The following HTR4 variants were observed in gnomAD, a reference collection of about 807,000 sequenced individuals.
HTR4 encodes the protein 5-hydroxytryptamine receptor 4.
Under a neutral mutation model 36.8 loss-of-function variants are expected in HTR4, and 16 were observed. The observed-to-expected ratio is 0.43, with a 90% confidence interval of 0.29 to 0.66. The LOEUF is 0.66. Ranked by LOEUF, HTR4 falls within the 30% of genes least tolerant of loss-of-function variation. HTR4 has a pLI of 0.13. For missense variants in HTR4, 438 were observed against 490.9 expected, an observed-to-expected ratio of 0.89 and a Z score of 1.02; for synonymous variants, 189 against 185.1, an observed-to-expected ratio of 1.02 and a Z score of -0.17.
chr5:148,560,186 T>C (rs1348849025), intron 2 of HTR4, among the ~76,000 whole-genome samples: 18 of 145,786 alleles, frequency 1.2e-4, no homozygotes, highest in African/African-American at 4.7e-4. Flanking sequence ...TTTTTCTTTT[T>C]TACGGAAAGC....
intron 2 of HTR4, among the ~76,000 whole-genome samples, chr5:148,606,678 T>C (rs765156921): frequency 2.6e-5 from 4 of 152,242 alleles, no homozygotes; most frequent in East Asian, 3.8e-4. Flanking sequence ...CTCTGTATGA[T>C]GGTTAAAAAC....
chr5:148,458,793 G>A (rs972885132), intron 5 of HTR4, among the ~76,000 whole-genome samples: 3 of 152,162 alleles, frequency 2.0e-5, no homozygotes, highest in Admixed American at 6.6e-5. Context: ...TGTTGTCCTC[G>A]TCCTAAAAGC....
At chr5:148,639,308 G>C (rs914211675) in intron 1 of HTR4, among the ~76,000 whole-genome samples, 1 of 151,958 alleles carries the variant, frequency 6.6e-6, no homozygotes, top group Non-Finnish European at 1.5e-5. Flanking sequence ...TAGCTAACCA[G>C]ACCTTACATG....
chr5:148,505,686 A>G (rs934928983), intron 6 of HTR4, among the ~76,000 whole-genome samples: 2 of 152,354 alleles, frequency 1.3e-5, no homozygotes, highest in Admixed American at 6.5e-5. Context: ...CTCAGGATAC[A>G]AAATCAATGT....
chr5:148,466,409 A>G (rs1755430113), intron 5 of HTR4, among the ~76,000 whole-genome samples: 1 of 152,248 alleles, frequency 6.6e-6, no homozygotes, highest in Non-Finnish European at 1.5e-5. Context: ...TCATTTAACA[A>G]TACAAACCGC....
intron 4 of HTR4, among the ~76,000 whole-genome samples, chr5:148,536,223 G>T (rs1463137277): frequency 6.6e-6 from 1 of 152,056 alleles, no homozygotes; most frequent in Non-Finnish European, 1.5e-5. Flanking sequence ...CTTTACAAGA[G>T]ATCTTGAAAG....
chr5:148,591,670 C>A (rs1250280619), intron 2 of HTR4, among the ~76,000 whole-genome samples: 2 of 152,090 alleles, frequency 1.3e-5, no homozygotes, highest in African/African-American at 4.8e-5. Flanking sequence ...CAAAAGGAGA[C>A]AAACATGCTG....
At chr5:148,466,265 T>G (rs754354741) in intron 5 of HTR4, among the ~76,000 whole-genome samples, 1 of 152,186 alleles carries the variant, frequency 6.6e-6, no homozygotes, top group Non-Finnish European at 1.5e-5. Context: ...CTCCATGATA[T>G]GTCTATGTTG....
At chr5:148,572,646 C>A (rs562295181) in intron 2 of HTR4, among the ~76,000 whole-genome samples, 1 of 152,084 alleles carries the variant, frequency 6.6e-6, no homozygotes, top group Non-Finnish European at 1.5e-5. Context: ...TCCATGAGTT[C>A]GTCATTACCA....
intron 5 of HTR4, among the ~76,000 whole-genome samples, chr5:148,457,286 A>G (rs556851366): frequency 2.6e-5 from 4 of 152,164 alleles, no homozygotes; most frequent in Admixed American, 1.3e-4. Flanking sequence ...ATTAAAAAAC[A>G]CTGCTGTTTC....
At chr5:148,591,902 G>A (rs1388632824) in intron 2 of HTR4, among the ~76,000 whole-genome samples, 1 of 152,090 alleles carries the variant, frequency 6.6e-6, no homozygotes, top group Admixed American at 6.5e-5. Context: ...ATTCTTCAAA[G>A]AGCTAAAAGC....
At chr5:148,509,261 T>C (rs1279329492) in intron 6 of HTR4, 195 bp downstream of exon 6, 2 of 516,514 alleles carry the variant, frequency 3.9e-6, no homozygotes, top group Non-Finnish European at 6.8e-6. Flanking sequence ...TGATTAGAAT[T>C]CAAGTCAATC....
At chr5:148,623,879 T>C (rs1017646705) in intron 2 of HTR4, among the ~76,000 whole-genome samples, 1 of 152,198 alleles carries the variant, frequency 6.6e-6, no homozygotes, top group Non-Finnish European at 1.5e-5. Context: ...TCCTAGAGAA[T>C]GAGTCAGTCA....
chr5:148,605,324 TCTCGG>T (rs1298132455), intron 2 of HTR4, among the ~76,000 whole-genome samples: 8 of 147,162 alleles, frequency 5.4e-5, no homozygotes, highest in South Asian at 2.2e-4. Flanking sequence ...AATGGCGTGA[TCTCGG>T]CTCACTGCAA....
intron 2 of HTR4, among the ~76,000 whole-genome samples, chr5:148,559,837 C>A (rs563560299): frequency 1.3e-5 from 2 of 152,252 alleles, no homozygotes; most frequent in African/African-American, 4.8e-5. Context: ...GTGCCAACAA[C>A]CTCCAATCAG....
intron 6 of HTR4, among the ~76,000 whole-genome samples, chr5:148,485,121 T>A (rs1220580270): frequency 3.9e-5 from 6 of 152,156 alleles, no homozygotes; most frequent in Non-Finnish European, 8.8e-5. Flanking sequence ...CCAAATCCCC[T>A]TTGTATCATA....
intron 5 of HTR4, among the ~76,000 whole-genome samples, chr5:148,519,040 C>T (rs1029888109): frequency 2.6e-5 from 4 of 151,920 alleles, no homozygotes; most frequent in Non-Finnish European, 4.4e-5. Context: ...TCTCAATTGC[C>T]TATGGAACAT....
intron 2 of HTR4, among the ~76,000 whole-genome samples, chr5:148,602,245 C>A (rs1431715189): frequency 6.6e-6 from 1 of 152,048 alleles, no homozygotes; most frequent in Non-Finnish European, 1.5e-5. Context: ...TATACTTACT[C>A]CCACACTCAT....
At chr5:148,458,293 G>A (rs78491458) in intron 5 of HTR4, among the ~76,000 whole-genome samples, 3,787 of 151,636 alleles carry the variant, frequency 0.025, 172 homozygotes, top group African/African-American at 0.086. Context: ...TTTACAGTTG[G>A]TATTTTTTCC....
Sources: allele counts gnomAD v4.1 joint callset (sites outside exome capture counted in the v4.1 genomes callset), GRCh38; gene constraint gnomAD v4.1.1; transcripts MANE v1.5; gene names NCBI Gene and HGNC (gene_info 2026-07-23, HGNC 2026-07-21).